The following SAMMSON variants were observed in gnomAD, a reference collection of about 807,000 sequenced individuals.
The protein encoded by SAMMSON is long intergenic non-protein coding RNA 1212.
intron 4 of SAMMSON, among the ~76,000 whole-genome samples, chr3:70,234,336 A>T (rs1281670120): frequency 1.3e-5 from 2 of 152,204 alleles, no homozygotes; most frequent in African/African-American, 4.8e-5. Context: ...TGGGATAAAA[A>T]GCAAACAGTA....
chr3:70,389,972 A>G (rs1215770932), downstream of SAMMSON: 1 of 152,164 alleles, frequency 6.6e-6, no homozygotes, highest in Non-Finnish European at 1.5e-5. Context: ...CAGAGCAATG[A>G]CTGAAGGAAG....
At chr3:70,007,162 C>A (rs1395828371) in intron 1 of SAMMSON, among the ~76,000 whole-genome samples, 1 of 152,080 alleles carries the variant, frequency 6.6e-6, no homozygotes, top group Non-Finnish European at 1.5e-5. Context: ...GGTATATACC[C>A]AGTAATGGGA....
intron 4 of SAMMSON, among the ~76,000 whole-genome samples, chr3:70,191,140 G>A (rs1701128862): frequency 6.6e-6 from 1 of 152,208 alleles, no homozygotes; most frequent in Non-Finnish European, 1.5e-5. Flanking sequence ...GGCAGAAAGT[G>A]CTGAAAGAGG....
At chr3:70,206,556 C>G in intron 4 of SAMMSON, 1 of 397,362 alleles carries the variant, frequency 2.5e-6, no homozygotes, top group East Asian at 3.6e-5. Flanking sequence ...GGGTTGAATT[C>G]TGAGAAACAT....
intron 4 of SAMMSON, among the ~76,000 whole-genome samples, chr3:70,170,383 C>G (rs945964492): frequency 6.6e-6 from 1 of 151,560 alleles, no homozygotes; most frequent in Non-Finnish European, 1.5e-5. Context: ...TATAGAGGTT[C>G]CTGAATGTCT....
intron 2 of SAMMSON, among the ~76,000 whole-genome samples, chr3:70,413,846 C>A (rs1344327514): frequency 2.0e-5 from 3 of 152,112 alleles, no homozygotes. Flanking sequence ...TAATAAATAG[C>A]TCTGCCATTA....
intron 7 of SAMMSON, among the ~76,000 whole-genome samples, chr3:70,353,084 C>T (rs1472405761): frequency 2.0e-5 from 3 of 151,896 alleles, no homozygotes; most frequent in Non-Finnish European, 4.4e-5. Flanking sequence ...TAAAATTTAT[C>T]TTATAACCTA....
At chr3:70,098,524 C>T (rs577229618) in intron 4 of SAMMSON, among the ~76,000 whole-genome samples, 4 of 152,176 alleles carry the variant, frequency 2.6e-5, no homozygotes, top group East Asian at 3.9e-4. Flanking sequence ...CCTGCCACTA[C>T]GCCTGGCTAA....
At chr3:70,251,532 G>A (rs1474973501) in intron 6 of SAMMSON, among the ~76,000 whole-genome samples, 1 of 152,070 alleles carries the variant, frequency 6.6e-6, no homozygotes, top group Non-Finnish European at 1.5e-5. Flanking sequence ...CCTTGCTCTG[G>A]CCTCATGATG....
chr3:70,412,244 G>C (rs1317766811), intron 2 of SAMMSON, among the ~76,000 whole-genome samples: 1 of 152,072 alleles, frequency 6.6e-6, no homozygotes, highest in African/African-American at 2.4e-5. Context: ...TAGTGTAGGG[G>C]TCAAACCCCC....
intron 7 of SAMMSON, among the ~76,000 whole-genome samples, chr3:70,323,614 C>T (rs1464708623): frequency 6.6e-6 from 1 of 152,116 alleles, no homozygotes; most frequent in African/African-American, 2.4e-5. Context: ...TTGTATATTT[C>T]CAGCTAGGGA....
At chr3:70,329,478 A>G (rs1285152593) in intron 7 of SAMMSON, among the ~76,000 whole-genome samples, 2 of 152,048 alleles carry the variant, frequency 1.3e-5, no homozygotes, top group Non-Finnish European at 2.9e-5. Context: ...GTATATCAAA[A>G]CTAAGTAAGA....
At chr3:70,089,334 G>A (rs2067297436) in intron 4 of SAMMSON, among the ~76,000 whole-genome samples, 1 of 152,090 alleles carries the variant, frequency 6.6e-6, no homozygotes, top group South Asian at 2.1e-4. Context: ...ATATGCATCA[G>A]CACATGCAAT....
exon 2 of SAMMSON, chr3:70,012,598 G>A (rs1441705870): frequency 6.6e-6 from 1 of 152,092 alleles, no homozygotes; most frequent in Non-Finnish European, 1.5e-5. Context: ...AGATGTGTAA[G>A]GTAATACATT....
intron 9 of SAMMSON, among the ~76,000 whole-genome samples, chr3:70,387,189 G>A (rs1703129416): frequency 6.6e-6 from 1 of 151,982 alleles, no homozygotes; most frequent in East Asian, 1.9e-4. Context: ...TTTTTAAAAA[G>A]GATTTAAGCA....
intron 3 of SAMMSON, among the ~76,000 whole-genome samples, chr3:70,058,498 A>G (rs763979602): frequency 5.3e-5 from 8 of 152,116 alleles, no homozygotes; most frequent in Non-Finnish European, 1.0e-4. Context: ...ACTTTGAAGT[A>G]TAATGTATGT....
At chr3:70,129,844 C>A (rs1300108600) in intron 4 of SAMMSON, among the ~76,000 whole-genome samples, 1 of 152,014 alleles carries the variant, frequency 6.6e-6, no homozygotes, top group African/African-American at 2.4e-5. Flanking sequence ...AACAGTTAGA[C>A]TTTATTTTAT....
Position 70,395,427 on chromosome 3 carries a change from C to T in SAMMSON, n.233+37103C>T, listed in dbSNP as rs2106759631. On this transcript the variant is annotated intron_variant and non_coding_transcript_variant, in intron 2 of 3. Transcript: ENST00000641053. The stretch of plus-strand genomic sequence containing the variant: ...AGATGTTTACTTCTACTCTGTGTGG[C>T]AAGAAACTGGCATTAGCCCAGTTTA... 2.0e-5 allele frequency among the ~76,000 whole-genome samples: 3 copies of T among 149,506 alleles called. 1 individual carries two copies. In the Middle Eastern group the frequency reaches 0.01, roughly 523 times the overall value.
At chr3:70,172,807 A>G (rs1431479884) in intron 4 of SAMMSON, 1 of 152,004 alleles carries the variant, frequency 6.6e-6, no homozygotes, top group Non-Finnish European at 1.5e-5. Context: ...CACACTTCCT[A>G]TGCTGAACAA....
Sources: allele counts gnomAD v4.1 joint callset (sites outside exome capture counted in the v4.1 genomes callset), GRCh38; gene constraint gnomAD v4.1.1; transcripts MANE v1.5; gene names NCBI Gene and HGNC (gene_info 2026-07-23, HGNC 2026-07-21).